The following ABCA4 variants were observed in gnomAD, a reference collection of about 807,000 sequenced individuals.
ABCA4 encodes the protein retinal-specific phospholipid-transporting ATPase ABCA4.
ABCA4 carries 196 observed loss-of-function variants against 263.7 expected under a neutral mutation model. The ratio of observed to expected loss-of-function variants is 0.74; its 90% CI spans 0.66 to 0.84. The LOEUF (loss-of-function observed/expected upper bound fraction) is 0.84. Ranked by LOEUF, ABCA4 falls within the 40% of genes least tolerant of loss-of-function variation. ABCA4 has a pLI of 0.00. For missense variants in ABCA4, 2,792 were observed against 2,855.1 expected, an observed-to-expected ratio of 0.98 and a Z score of 0.50; for synonymous variants, 1,133 against 1,094.2, an observed-to-expected ratio of 1.04 and a Z score of -0.70.
At chr1:94,101,672 G>A (rs1395197883) in intron 5 of ABCA4, among the ~76,000 whole-genome samples, 1 of 152,186 alleles carries the variant, frequency 6.6e-6, no homozygotes, top group African/African-American at 2.4e-5. Flanking sequence ...TTCTCTCCTG[G>A]AGTCTGGAGG....
At chr1:94,021,476 A>T (rs1169936649) in intron 34 of ABCA4, 67 bp from the exon 35 acceptor site, 14 of 1,606,364 alleles carry the variant, frequency 8.7e-6, no homozygotes, top group Non-Finnish European at 1.2e-5. Context: ...TCAGTGAAGG[A>T]AAGGAAATTT....
intron 26 of ABCA4, among the ~76,000 whole-genome samples, chr1:94,035,634 G>C (rs867055134): frequency 4.7e-4 from 72 of 152,248 alleles, no homozygotes; most frequent in African/African-American, 1.7e-3. Flanking sequence ...ACACTGGAAA[G>C]AAGGAGGTAA....
intron 49 of ABCA4, among the ~76,000 whole-genome samples, chr1:93,994,346 AAAAT>A (rs1314074171): frequency 6.6e-6 from 1 of 152,208 alleles, no homozygotes; most frequent in Non-Finnish European, 1.5e-5. Flanking sequence ...TTGGAGAGTA[AAAAT>A]GTTCTTGGTA....
chr1:94,004,973 T>A (rs978428177), intron 44 of ABCA4, among the ~76,000 whole-genome samples: 1 of 152,272 alleles, frequency 6.6e-6, no homozygotes, highest in Admixed American at 6.5e-5. Context: ...AATATCTCCA[T>A]ATCAGTTTAC....
At chr1:94,043,020 A>G (rs1394138665) in intron 21 of ABCA4, 122 bp from the exon 22 acceptor site, 42 of 1,410,126 alleles carry the variant, frequency 3.0e-5, no homozygotes, top group Non-Finnish European at 4.2e-5. Context: ...TGCCTCTTAG[A>G]TGTTTATAGC....
At chr1:94,046,138 G>T (rs1342614517) in intron 19 of ABCA4, among the ~76,000 whole-genome samples, 2 of 151,978 alleles carry the variant, frequency 1.3e-5, no homozygotes, top group African/African-American at 4.8e-5. Flanking sequence ...GAAAAGGAAT[G>T]TTCCTTGAAA....
At chr1:94,095,045 T>C (rs1318531111) in intron 6 of ABCA4, among the ~76,000 whole-genome samples, 1 of 152,202 alleles carries the variant, frequency 6.6e-6, no homozygotes, top group Non-Finnish European at 1.5e-5. Flanking sequence ...GTCATTTGGC[T>C]CTTATTTCTC....
chr1:94,044,878 A>G (rs1660630798), intron 19 of ABCA4, 134 bp from the exon 20 acceptor site: 18 of 1,426,810 alleles, frequency 1.3e-5, no homozygotes, highest in South Asian at 2.4e-5. Flanking sequence ...TCAAACCCCT[A>G]TTAGCTGTGG....
At chr1:94,084,155 G>C (rs1661775515) in intron 6 of ABCA4, among the ~76,000 whole-genome samples, 1 of 152,214 alleles carries the variant, frequency 6.6e-6, no homozygotes, top group South Asian at 2.1e-4. Flanking sequence ...TGGTTTTCTG[G>C]AAACCAAGGT....
intron 30 of ABCA4, among the ~76,000 whole-genome samples, chr1:94,025,297 G>A (rs1182853313): frequency 3.3e-5 from 5 of 152,040 alleles, no homozygotes; most frequent in African/African-American, 4.8e-5. Context: ...ATCCATCTGC[G>A]TTTCTCCAGC....
intron 45 of ABCA4, 144 bp downstream of exon 45, chr1:94,001,714 C>G (rs1276224867): frequency 1.6e-6 from 2 of 1,256,852 alleles, no homozygotes; most frequent in Non-Finnish European, 2.3e-6. Context: ...GGGCTGATCG[C>G]TCAAAATGAG....
chr1:94,060,361 C>T (rs781100458), intron 14 of ABCA4, among the ~76,000 whole-genome samples, 176 bp downstream of exon 14: 7 of 152,200 alleles, frequency 4.6e-5, no homozygotes, highest in South Asian at 2.1e-4. Flanking sequence ...ACAGTGGCTC[C>T]TTCAGGAGAT....
chr1:94,112,104 G>T (rs1235402506), intron 2 of ABCA4, among the ~76,000 whole-genome samples: 1 of 152,162 alleles, frequency 6.6e-6, no homozygotes, highest in African/African-American at 2.4e-5. Flanking sequence ...AAGAATAGAG[G>T]ACTGGGCAGA....
intron 23 of ABCA4, among the ~76,000 whole-genome samples, chr1:94,040,934 A>C (rs1315132361): frequency 1.3e-5 from 2 of 152,204 alleles, no homozygotes; most frequent in African/African-American, 2.4e-5. Context: ...TAAGACACTC[A>C]CTTCTATGTT....
At position 94,060,467 on chromosome 1, in the gene ABCA4, C is replaced by T. The variant is rs79072665; in HGVS notation, c.2160+70G>A. 6.8e-3 allele frequency: 9,709 copies of T among 1,422,046 alleles called. 52 individuals are homozygous for T. Among genetic ancestry groups the T allele is most frequent in the Non-Finnish European group, 8.0e-3 (8,055 of 1,007,920 alleles). 88.1% of individuals were successfully genotyped at this position (1,422,046 alleles called of 1,614,324 possible). ...GGTGGCCACATGACTAATCCAGGCA[C>T]ATGAACAGGAGGAAAGGGGAAAGGA... On this transcript the variant is annotated intron_variant, in intron 14 of 49. Transcript: ENST00000370225.
At chr1:94,021,522 C>A (rs1197150767) in intron 34 of ABCA4, 113 bp from the exon 35 acceptor site, 10 of 1,523,176 alleles carry the variant, frequency 6.6e-6, no homozygotes, top group East Asian at 2.3e-5. Flanking sequence ...GGAAGACATT[C>A]CTTGCTAGAT....
intron 15 of ABCA4, among the ~76,000 whole-genome samples, chr1:94,056,327 T>C (rs973949849): frequency 1.3e-5 from 2 of 152,136 alleles, no homozygotes; most frequent in African/African-American, 4.8e-5. Flanking sequence ...CTCTCTCTTG[T>C]GAGTAAATAA....
At chr1:94,111,726 T>C (rs1662611286) in intron 2 of ABCA4, 147 bp from the exon 3 acceptor site, 18 of 984,816 alleles carry the variant, frequency 1.8e-5, no homozygotes, top group Non-Finnish European at 2.8e-5. Context: ...GAGCATCTCA[T>C]GTGTGCCAGT....
At chr1:94,075,336 A>C (rs984338528) in intron 11 of ABCA4, among the ~76,000 whole-genome samples, 2 of 151,496 alleles carry the variant, frequency 1.3e-5, no homozygotes, top group Non-Finnish European at 2.9e-5. Context: ...AAAATAAAGA[A>C]AGAAAATCTA....
Sources: gnomAD v4.1 joint callset for allele counts (sites outside exome capture counted in the v4.1 genomes callset) on GRCh38, gnomAD v4.1.1 for gene constraint, MANE v1.5 for transcripts, NCBI Gene and HGNC (gene_info 2026-07-23, HGNC 2026-07-21) for gene names.